The following TENM4 variants were observed in gnomAD, a reference collection of about 807,000 sequenced individuals.
The protein encoded by TENM4 is teneurin-4.
TENM4 carries 82 observed loss-of-function variants against 243.3 expected under a neutral mutation model. That is an observed-to-expected ratio of 0.34 (90% CI 0.28 to 0.40). The LOEUF (loss-of-function observed/expected upper bound fraction) is 0.40, where lower values mean the gene tolerates loss of function less well. TENM4 is among the 10% of genes least tolerant of loss of function. The pLI, the probability that TENM4 is intolerant of heterozygous loss-of-function variation, is 1.00. For synonymous variants in TENM4, 1,412 were observed against 1,456.3 expected (o/e 0.97, Z 0.69); for missense variants, 3,138 against 3,673.3 (o/e 0.85, Z 3.77).
intron 12 of TENM4, among the ~76,000 whole-genome samples, chr11:78,818,961 TA>T (rs11289313): frequency 0.39 from 55,796 of 143,608 alleles, 10,293 homozygotes; most frequent in Non-Finnish European, 0.42. Flanking sequence ...TGGGTCCTGG[TA>T]AAAAAAAAAA....
chr11:78,891,727 T>C (rs1164321049), intron 7 of TENM4, among the ~76,000 whole-genome samples: 2 of 152,128 alleles, frequency 1.3e-5, no homozygotes, highest in African/African-American at 4.8e-5. Flanking sequence ...GTAATGGGTC[T>C]TGCCAAGGTC....
chr11:79,138,329 AT>A (rs1417311979), intron 4 of TENM4, among the ~76,000 whole-genome samples: 5 of 106,396 alleles, frequency 4.7e-5, no homozygotes, highest in East Asian at 2.3e-4. Context: ...ATATATATAT[AT>A]TATATATATA....
At chr11:79,192,774 T>A (rs993169696) in intron 3 of TENM4, among the ~76,000 whole-genome samples, 10 of 150,376 alleles carry the variant, frequency 6.7e-5, no homozygotes, top group South Asian at 2.1e-4. Context: ...AAAAAAAAAA[T>A]ATTTTCAGCA....
chr11:79,363,995 T>C (rs1192478608), intron 1 of TENM4, among the ~76,000 whole-genome samples: 1 of 152,210 alleles, frequency 6.6e-6, no homozygotes, highest in African/African-American at 2.4e-5. Flanking sequence ...GTTCAATTAC[T>C]TTGATGTTTT....
intron 19 of TENM4, among the ~76,000 whole-genome samples, chr11:78,748,945 G>C (rs1401738517): frequency 6.6e-6 from 1 of 152,102 alleles, no homozygotes; most frequent in Non-Finnish European, 1.5e-5. Flanking sequence ...ACCAGCCCAA[G>C]GTCCCATGTT....
chr11:78,973,981 C>G (rs1857599059), intron 6 of TENM4, among the ~76,000 whole-genome samples: 1 of 151,944 alleles, frequency 6.6e-6, no homozygotes, highest in Non-Finnish European at 1.5e-5. Flanking sequence ...GCAGCAGGAC[C>G]AAGTTCATCT....
chr11:79,127,593 C>T (rs1445029429), intron 4 of TENM4, among the ~76,000 whole-genome samples: 1 of 152,216 alleles, frequency 6.6e-6, no homozygotes, highest in Non-Finnish European at 1.5e-5. Context: ...TTTTACTGTC[C>T]TACCTCAGGG....
intron 9 of TENM4, among the ~76,000 whole-genome samples, chr11:78,888,065 A>G (rs1855583666): frequency 6.6e-6 from 1 of 152,200 alleles, no homozygotes; most frequent in South Asian, 2.1e-4. Flanking sequence ...GGAACTATAC[A>G]ACCCTCATTG....
At chr11:78,840,663 C>T (rs1013795442) in intron 12 of TENM4, among the ~76,000 whole-genome samples, 31 of 152,166 alleles carry the variant, frequency 2.0e-4, no homozygotes, top group South Asian at 2.1e-4. Flanking sequence ...TATACTCTTC[C>T]GCCCAGAGAA....
intron 3 of TENM4, among the ~76,000 whole-genome samples, chr11:79,208,146 A>G (rs546896752): frequency 1.3e-5 from 2 of 152,310 alleles, no homozygotes; most frequent in African/African-American, 4.8e-5. Flanking sequence ...AGCACGGGTC[A>G]TCGGCATCTC....
intron 12 of TENM4, among the ~76,000 whole-genome samples, chr11:78,831,709 T>C (rs948809362): frequency 1.3e-5 from 2 of 152,220 alleles, no homozygotes; most frequent in South Asian, 4.1e-4. Context: ...CAGATGCCAG[T>C]AATGAAGGAC....
intron 1 of TENM4, among the ~76,000 whole-genome samples, chr11:79,385,066 A>T (rs1457942322): frequency 6.6e-6 from 1 of 152,188 alleles, no homozygotes; most frequent in African/African-American, 2.4e-5. Flanking sequence ...TGCACAACAT[A>T]GGGTTGCAGC....
At chr11:79,429,961 T>C (rs1055441931) in intron 1 of TENM4, among the ~76,000 whole-genome samples, 5 of 152,016 alleles carry the variant, frequency 3.3e-5, no homozygotes, top group African/African-American at 7.2e-5. Context: ...GTCCCACAGA[T>C]AGAAAGTGTG....
intron 32 of TENM4, among the ~76,000 whole-genome samples, chr11:78,662,241 G>C (rs1470746468): frequency 6.6e-6 from 1 of 151,334 alleles, no homozygotes; most frequent in Non-Finnish European, 1.5e-5. Flanking sequence ...ACCGAGGCTG[G>C]AGTGCAGTGG....
intron 7 of TENM4, among the ~76,000 whole-genome samples, chr11:78,895,492 C>A (rs1855772007): frequency 6.6e-6 from 1 of 152,122 alleles, no homozygotes; most frequent in South Asian, 2.1e-4. Flanking sequence ...AAGTCAGTGG[C>A]AGAGCTGAAA....
At chr11:78,952,270 G>A (rs569626685) in intron 6 of TENM4, among the ~76,000 whole-genome samples, 2 of 152,290 alleles carry the variant, frequency 1.3e-5, no homozygotes, top group South Asian at 4.1e-4. Flanking sequence ...CTTTTCTGCC[G>A]ACATCACCAG....
intron 27 of TENM4, 112 bp downstream of exon 27, chr11:78,708,249 G>A: frequency 7.1e-7 from 1 of 1,404,414 alleles, no homozygotes; most frequent in Non-Finnish European, 9.7e-7. Flanking sequence ...CACCAAGTAG[G>A]TGCTCTTTAA....
chr11:78,796,566 G>C (rs1386237608), intron 15 of TENM4, among the ~76,000 whole-genome samples: 1 of 151,924 alleles, frequency 6.6e-6, no homozygotes. Context: ...TGTCCCCCAA[G>C]AACCTCCAAC....
intron 31 of TENM4, among the ~76,000 whole-genome samples, chr11:78,671,299 T>TC (rs1199638192): frequency 7.5e-6 from 1 of 133,286 alleles, no homozygotes; most frequent in African/African-American, 2.8e-5. Context: ...CTCTCTCTCT[T>TC]AGTACTAGCG....
Sources: allele counts gnomAD v4.1 joint callset (sites outside exome capture counted in the v4.1 genomes callset), GRCh38; gene constraint gnomAD v4.1.1; transcripts MANE v1.5; gene names NCBI Gene and HGNC (gene_info 2026-07-23, HGNC 2026-07-21).